The following SCN3A variants were observed in gnomAD, a reference collection of about 807,000 sequenced individuals.
SCN3A encodes the protein sodium channel protein type 3 subunit alpha.
SCN3A carries 60 observed loss-of-function variants against 187.6 expected under a neutral mutation model. That is an observed-to-expected ratio of 0.32 (90% CI 0.26 to 0.40). The LOEUF (loss-of-function observed/expected upper bound fraction) is 0.40, where lower values mean the gene tolerates loss of function less well. SCN3A is among the 10% of genes least tolerant of loss of function. SCN3A has a pLI of 1.00. For missense variants in SCN3A, 1,601 were observed against 2,428.2 expected, an observed-to-expected ratio of 0.66 and a Z score of 7.16; for synonymous variants, 788 against 829.2, an observed-to-expected ratio of 0.95 and a Z score of 0.85.
intron 21 of SCN3A, among the ~76,000 whole-genome samples, chr2:165,112,104 C>T (rs917514893): frequency 2.6e-5 from 4 of 152,164 alleles, no homozygotes. Context: ...GTATTTGAAG[C>T]ACCTTGTTTT....
At chr2:165,091,402 T>G (rs1685099719) in intron 27 of SCN3A, 57 bp from the exon 28 acceptor site, 1 of 1,602,382 alleles carries the variant, frequency 6.2e-7, no homozygotes, top group Non-Finnish European at 8.5e-7. Flanking sequence ...ACATGATGGC[T>G]TTATCTTTTT....
chr2:165,098,239 A>C (rs1158012988), intron 22 of SCN3A, among the ~76,000 whole-genome samples: 4 of 152,230 alleles, frequency 2.6e-5, no homozygotes, highest in Admixed American at 1.3e-4. Context: ...ACTTCTCATT[A>C]AATTCAGAAG....
At chr2:165,149,169 C>A (rs894366182) in intron 11 of SCN3A, among the ~76,000 whole-genome samples, 7 of 113,120 alleles carry the variant, frequency 6.2e-5, no homozygotes, top group Admixed American at 3.4e-4. Flanking sequence ...CCATTTAAAT[C>A]ACTTCCAAAC....
rs1687895756 is a variant in SCN3A at position 165,139,832 on chromosome 2, T to G, written c.2020-224A>C. On this transcript the variant is annotated intron_variant, in intron 13 of 27. Transcript: ENST00000283254. ...AATTCACCAGTGGGATGCAGTTTTA[T>G]AACACAATTATATTACAGAACTATT... The G allele has an allele frequency of 1.1e-5, 6 of 531,516 alleles. No individual in the cohort carries two copies. In the East Asian group the frequency reaches 2.1e-4, roughly 18 times the overall value. 32.9% of individuals were successfully genotyped at this position (531,516 alleles called of 1,614,324 possible). A position where few individuals can be genotyped will look rare whatever the true frequency, so the allele number is the denominator to read the frequency against.
chr2:165,195,362 C>T (rs1427797740), intron 1 of SCN3A: 2 of 152,070 alleles, frequency 1.3e-5, no homozygotes, highest in Non-Finnish European at 2.9e-5. Flanking sequence ...GATAAAATTG[C>T]CAGTGCAAAA....
chr2:165,123,224 C>A (rs1016103614), intron 18 of SCN3A, among the ~76,000 whole-genome samples: 2 of 151,964 alleles, frequency 1.3e-5, no homozygotes, highest in African/African-American at 4.8e-5. Context: ...ATTTCCTGAA[C>A]TTTTTTCATG....
At chr2:165,133,278 C>T (rs1235782443) in intron 15 of SCN3A, among the ~76,000 whole-genome samples, 1 of 152,224 alleles carries the variant, frequency 6.6e-6, no homozygotes, top group African/African-American at 2.4e-5. Flanking sequence ...CATCCCATTA[C>T]TGGGTATATA....
chr2:165,094,767 T>G (rs1282097098), intron 25 of SCN3A, among the ~76,000 whole-genome samples: 1 of 152,196 alleles, frequency 6.6e-6, no homozygotes, highest in Non-Finnish European at 1.5e-5. Flanking sequence ...AAACATTTTC[T>G]TAGTCCATTT....
intron 12 of SCN3A, among the ~76,000 whole-genome samples, chr2:165,146,380 ATATGTGTGTGTGTGTGTGTGTGTG>A (rs1188163831): frequency 3.3e-5 from 3 of 90,512 alleles, no homozygotes; most frequent in African/African-American, 1.1e-4. Flanking sequence ...ATATATATAT[ATATGTGTGTGTGTGTGTGTGTGTG>A]TGTGTGTGTG....
At chr2:165,133,045 T>C (rs1487854763) in intron 15 of SCN3A, among the ~76,000 whole-genome samples, 1 of 152,196 alleles carries the variant, frequency 6.6e-6, no homozygotes, top group Non-Finnish European at 1.5e-5. Flanking sequence ...TCACCATCAC[T>C]GGCCATCAGA....
intron 12 of SCN3A, among the ~76,000 whole-genome samples, chr2:165,145,498 A>T (rs1002071297): frequency 6.6e-6 from 1 of 152,026 alleles, no homozygotes; most frequent in African/African-American, 2.4e-5. Flanking sequence ...TTGTGTATTC[A>T]TGTCCATTTT....
intron 11 of SCN3A, among the ~76,000 whole-genome samples, chr2:165,152,195 A>G (rs762538182): frequency 1.3e-5 from 2 of 152,186 alleles, no homozygotes; most frequent in African/African-American, 2.4e-5. Context: ...ACCCATAATA[A>G]AGAGAAAAAT....
At position 165,090,541 on chromosome 2, in the gene SCN3A, C is replaced by T. The variant is rs2105618139; in HGVS notation, c.5612G>A (p.Arg1871Gln). The change falls in exon 28 of 28, where the codon CGA becomes CAA. Residue 1871 changes from arginine to glutamine, a missense_variant. Coordinates refer to ENST00000283254, the MANE Select transcript of SCN3A (RefSeq NM_006922.4). This position sits in a 1 kb window ranked among gnomAD's most constrained non-coding sequence, Gnocchi z 4.0. ...CATAAACCTGTCTTCCATCTGTATT[C>T]GAAGGGCATCCATCTCTCCACTCTC... The part of the protein sequence containing the change: ...LGESGEMDAL[R>Q]IQMEDRFMAS... 6 of 1,613,898 alleles carry T rather than the reference C, an allele frequency of 3.7e-6. No individual in the cohort carries two copies. Among genetic ancestry groups the T allele is most frequent in the Non-Finnish European group, 4.2e-6 (5 of 1,179,960 alleles).
At chr2:165,164,751 G>T (rs1689632623) in intron 5 of SCN3A, among the ~76,000 whole-genome samples, 1 of 151,954 alleles carries the variant, frequency 6.6e-6, no homozygotes, top group Non-Finnish European at 1.5e-5. Context: ...TTAACTATTT[G>T]GGTTTTAGAA....
intron 11 of SCN3A, among the ~76,000 whole-genome samples, chr2:165,153,200 T>G (rs1453327226): frequency 6.6e-6 from 1 of 152,112 alleles, no homozygotes; most frequent in African/African-American, 2.4e-5. Flanking sequence ...CAGTGGAGAA[T>G]GAATATTTTG....
chr2:165,158,081 G>A (rs1449713745), intron 9 of SCN3A, among the ~76,000 whole-genome samples: 3 of 152,192 alleles, frequency 2.0e-5, no homozygotes, highest in Non-Finnish European at 4.4e-5. Flanking sequence ...AGTGCTAGCT[G>A]TGTTTGTTGC....
chr2:165,179,137 A>G (rs1211778280), intron 2 of SCN3A, among the ~76,000 whole-genome samples: 4 of 152,134 alleles, frequency 2.6e-5, no homozygotes, highest in African/African-American at 9.7e-5. Context: ...TAGAGGAGAA[A>G]AAAAAAAAGG....
chr2:165,111,750 G>A (rs1686130258), intron 21 of SCN3A, among the ~76,000 whole-genome samples: 1 of 152,168 alleles, frequency 6.6e-6, no homozygotes, highest in African/African-American at 2.4e-5. Flanking sequence ...GCTGCGGAAT[G>A]TGAAAATACT....
Position 165,089,883 on chromosome 2 carries a change from A to G in SCN3A, c.*267T>C. On this transcript the variant is annotated 3_prime_UTR_variant, in exon 28 of 28. Coordinates refer to ENST00000283254, the MANE Select transcript of SCN3A (RefSeq NM_006922.4). ...GTTACAATGTTCACTTTGCACAACTATCCCTATAGTCTAGGTAGCCATTGG... is the reference window on the plus strand; with the variant it reads ...GTTACAATGTTCACTTTGCACAACTGTCCCTATAGTCTAGGTAGCCATTGG... 1 of 474,428 alleles carries G rather than the reference A, an allele frequency of 2.1e-6. No individual in the cohort carries two copies. The allele number at this position is 474,428 out of a possible 1,614,324, so 29.4% of individuals were successfully genotyped here.
Sources: allele counts gnomAD v4.1 joint callset (sites outside exome capture counted in the v4.1 genomes callset), GRCh38; gene constraint gnomAD v4.1.1; non-coding constraint Gnocchi (gnomAD v3.1); transcripts MANE v1.5; gene names NCBI Gene and HGNC (gene_info 2026-07-23, HGNC 2026-07-21).